The following FRMD4A variants were observed in gnomAD, a reference collection of about 807,000 sequenced individuals.
FRMD4A encodes FERM domain-containing protein 4A.
FRMD4A carries 29 observed loss-of-function variants against 129.1 expected under a neutral mutation model. That is an observed-to-expected ratio of 0.22 (90% confidence interval 0.17 to 0.31). The LOEUF is 0.31. Among genes scored for constraint, FRMD4A ranks in the 10% least tolerant of loss-of-function variants. The pLI, the probability that FRMD4A is intolerant of heterozygous loss-of-function variation, is 1.00. For synonymous variants in FRMD4A, 634 were observed against 571.6 expected (o/e 1.11, Z -1.56); for missense variants, 1,272 against 1,375.8 (o/e 0.92, Z 1.19).
chr10:13,806,099 T>C (rs1015669211), intron 4 of FRMD4A, among the ~76,000 whole-genome samples: 2 of 152,096 alleles, frequency 1.3e-5, no homozygotes, highest in African/African-American at 4.8e-5. Context: ...TCAAGTTATC[T>C]GCCCACCTCA....
chr10:13,959,364 TG>T, intron 2 of FRMD4A, among the ~76,000 whole-genome samples: 1 of 150,720 alleles, frequency 6.6e-6, no homozygotes, highest in East Asian at 2.0e-4. Flanking sequence ...CCCAGCTACT[TG>T]GGAGGCTGAG....
chr10:14,108,487 G>A (rs1837701581), intron 2 of FRMD4A, among the ~76,000 whole-genome samples: 1 of 152,096 alleles, frequency 6.6e-6, no homozygotes, highest in African/African-American at 2.4e-5. Flanking sequence ...ATTGGAAATG[G>A]GTCTGAATTG....
intron 3 of FRMD4A, among the ~76,000 whole-genome samples, chr10:13,815,464 G>A (rs2093526880): frequency 3.3e-5 from 5 of 152,010 alleles, no homozygotes; most frequent in African/African-American, 1.2e-4. Flanking sequence ...AAAAAGTGTT[G>A]GAAATATTAG....
At chr10:13,891,923 A>G (rs2094703085) in intron 2 of FRMD4A, among the ~76,000 whole-genome samples, 1 of 146,784 alleles carries the variant, frequency 6.8e-6, no homozygotes, top group Admixed American at 6.7e-5. Flanking sequence ...GCGCGCCCCG[A>G]GCCAGTCCCC....
chr10:14,294,632 G>C (rs1408755162), intron 2 of FRMD4A, among the ~76,000 whole-genome samples: 1 of 152,118 alleles, frequency 6.6e-6, no homozygotes, highest in African/African-American at 2.4e-5. Flanking sequence ...AGACATAAAG[G>C]CGTTTTCTCT....
chr10:14,223,634 G>A (rs1255489091), intron 2 of FRMD4A, among the ~76,000 whole-genome samples: 6 of 151,790 alleles, frequency 4.0e-5, no homozygotes, highest in East Asian at 3.9e-4. Flanking sequence ...CCAGCTGCTC[G>A]GGAGGCTGAG....
intron 2 of FRMD4A, among the ~76,000 whole-genome samples, chr10:14,242,097 A>G (rs192923323): frequency 1.3e-5 from 2 of 152,300 alleles, no homozygotes; most frequent in African/African-American, 4.8e-5. Flanking sequence ...TATTGTCTCA[A>G]GCTAAGTACA....
intron 2 of FRMD4A, among the ~76,000 whole-genome samples, chr10:14,048,180 T>C (rs1168293598): frequency 6.6e-6 from 1 of 152,168 alleles, no homozygotes; most frequent in Admixed American, 6.5e-5. Flanking sequence ...CTAGGACTGA[T>C]TCCACTGCCC....
intron 2 of FRMD4A, among the ~76,000 whole-genome samples, chr10:14,045,866 T>A (rs1307688476): frequency 6.8e-6 from 1 of 146,596 alleles, no homozygotes; most frequent in Non-Finnish European, 1.5e-5. Context: ...TAATTATATA[T>A]CATATTATAT....
chr10:13,772,208 T>C, intron 6 of FRMD4A, among the ~76,000 whole-genome samples: 1 of 99,818 alleles, frequency 1.0e-5, no homozygotes, highest in East Asian at 2.2e-4. Context: ...AATAAATATT[T>C]ATTTATTATT....
chr10:14,185,827 C>T (rs553238427), intron 2 of FRMD4A, among the ~76,000 whole-genome samples: 2 of 152,058 alleles, frequency 1.3e-5, no homozygotes, highest in Non-Finnish European at 2.9e-5. Context: ...CAGGGCAGGG[C>T]CCAGTGGAGA....
At chr10:14,207,919 G>C (rs1034154536) in intron 2 of FRMD4A, among the ~76,000 whole-genome samples, 1 of 152,074 alleles carries the variant, frequency 6.6e-6, no homozygotes, top group African/African-American at 2.4e-5. Flanking sequence ...CAAAATTGTT[G>C]GCTGGGCGCA....
intron 4 of FRMD4A, among the ~76,000 whole-genome samples, chr10:13,809,575 G>T (rs1424821151): frequency 6.6e-6 from 1 of 152,124 alleles, no homozygotes; most frequent in Admixed American, 6.5e-5. Flanking sequence ...TTCCCAGCTG[G>T]GCTTACTTGG....
rs1296495527 is a variant in FRMD4A, at chr10:14,090,107, G to A, written c.46-231195C>T. On this transcript the variant is annotated intron_variant, in intron 2 of 24. Transcript: ENST00000357447. The stretch of plus-strand genomic sequence containing the variant: ...CTGCTGGGAGAATATTTATAGCAGG[G>A]ATCTAGAAATAACCGTAAGGGAAAA... 6.6e-5 allele frequency among the ~76,000 whole-genome samples: 10 copies of A among 152,306 alleles called. No homozygotes were observed. The East Asian group carries it at 1.7e-3, about 26-fold the overall frequency.
chr10:13,705,812 G>C (rs2087366889), intron 13 of FRMD4A, among the ~76,000 whole-genome samples: 1 of 152,204 alleles, frequency 6.6e-6, no homozygotes, highest in South Asian at 2.1e-4. Context: ...TGACTGTGGA[G>C]ATGCAGAAAC....
At chr10:13,963,023 GAAGT>G (rs1290235903) in intron 2 of FRMD4A, among the ~76,000 whole-genome samples, 1 of 152,220 alleles carries the variant, frequency 6.6e-6, no homozygotes, top group Non-Finnish European at 1.5e-5. Context: ...GAAAATGTAA[GAAGT>G]GAGAGTTTTG....
At position 13,770,217 on chromosome 10, in the gene FRMD4A, G is replaced by A. The variant is rs184095271; in HGVS notation, c.385-7537C>T. ...GGCTGTGGTGCAGGATGAGACTGAT[G>A]CGATCTCGCACAATTCCTCATTCTT... On this transcript the variant is annotated intron_variant, in intron 6 of 24. Transcript: ENST00000357447. Among the ~76,000 whole-genome samples the A allele has an allele frequency of 3.9e-4, 59 of 152,208 alleles. 1 individual carries two copies. Among genetic ancestry groups the A allele is most frequent in the Non-Finnish European group, 3.1e-4 (21 of 68,014 alleles).
At chr10:13,934,509 C>T (rs953703150) in intron 2 of FRMD4A, among the ~76,000 whole-genome samples, 1 of 151,814 alleles carries the variant, frequency 6.6e-6, no homozygotes, top group Non-Finnish European at 1.5e-5. Context: ...TGTCCTTTCA[C>T]ATTCATTAAC....
intron 2 of FRMD4A, among the ~76,000 whole-genome samples, chr10:13,980,159 T>C (rs1387052512): frequency 6.6e-6 from 1 of 152,158 alleles, no homozygotes; most frequent in African/African-American, 2.4e-5. Context: ...TCTTCTTTCT[T>C]AGAATGCTTT....
Sources: gnomAD v4.1 joint callset for allele counts (sites outside exome capture counted in the v4.1 genomes callset) on GRCh38, gnomAD v4.1.1 for gene constraint, MANE v1.5 for transcripts, NCBI Gene and HGNC (gene_info 2026-07-23, HGNC 2026-07-21) for gene names.